PFKFB3: variants seen among roughly 807,000 people sequenced by gnomAD.
PFKFB3 encodes 6-phosphofructo-2-kinase/fructose-2,6-bisphosphatase 3.
A neutral mutation model predicts 68.0 loss-of-function variants in PFKFB3; 33 were observed. That is an observed-to-expected ratio of 0.49 (90% CI 0.37 to 0.65). The LOEUF (loss-of-function observed/expected upper bound fraction) is 0.65. Among genes scored for constraint, PFKFB3 ranks in the 30% least tolerant of loss-of-function variants. PFKFB3 has a pLI of 0.00. For missense variants in PFKFB3, 586 were observed against 712.2 expected (o/e 0.82, Z 2.02); for synonymous variants, 315 against 288.2 (o/e 1.09, Z -0.94).
intron 1 of PFKFB3, among the ~76,000 whole-genome samples, chr10:6,182,346 G>T (rs1301963174): frequency 6.6e-6 from 1 of 152,146 alleles, no homozygotes; most frequent in Non-Finnish European, 1.5e-5. Flanking sequence ...TCTGAGCTGG[G>T]AGACCTCCCC....
the PFKFB3 span, among the ~76,000 whole-genome samples, chr10:6,318,532 C>G: frequency 2.0e-5 from 3 of 152,298 alleles, no homozygotes; most frequent in South Asian, 6.2e-4. Flanking sequence ...CCTGCACGCC[C>G]GAGGCTGGCC....
At chr10:6,172,936 C>G (rs1016408384) in intron 1 of PFKFB3, among the ~76,000 whole-genome samples, 1 of 152,094 alleles carries the variant, frequency 6.6e-6, no homozygotes, top group Non-Finnish European at 1.5e-5. Context: ...GAAAGCAGGC[C>G]GCTCCATGCT....
chr10:6,230,545 T>G (rs540215695), intron 14 of PFKFB3, among the ~76,000 whole-genome samples: 6 of 152,204 alleles, frequency 3.9e-5, no homozygotes, highest in African/African-American at 1.4e-4. Flanking sequence ...CGGCTGCTGT[T>G]GTTATCAGGG....
intron 1 of PFKFB3, among the ~76,000 whole-genome samples, chr10:6,208,943 A>G (rs140645404): frequency 5.9e-5 from 9 of 152,300 alleles, no homozygotes; most frequent in African/African-American, 1.9e-4. Context: ...CCCAGTAGGC[A>G]GTCTCCGTTG....
At chr10:6,283,326 G>C in the PFKFB3 span, among the ~76,000 whole-genome samples, 1 of 152,174 alleles carries the variant, frequency 6.6e-6, no homozygotes, top group South Asian at 2.1e-4. Flanking sequence ...GTGTGCGTAT[G>C]GGGGCAGGTG....
downstream of PFKFB3, among the ~76,000 whole-genome samples, chr10:6,236,018 C>T (rs369368571): frequency 6.6e-6 from 1 of 152,122 alleles, no homozygotes; most frequent in African/African-American, 2.4e-5. Flanking sequence ...CTGCCTGCGT[C>T]GGCTTCCCAA....
chr10:6,152,829 C>A (rs959929723), intron 1 of PFKFB3, among the ~76,000 whole-genome samples: 1 of 152,004 alleles, frequency 6.6e-6, no homozygotes, highest in African/African-American at 2.4e-5. Context: ...TGCAGTGAGC[C>A]TTGATCGTAC....
At chr10:6,293,968 T>C in the PFKFB3 span, 1 of 512,396 alleles carries the variant, frequency 2.0e-6, no homozygotes, top group African/African-American at 2.0e-5. Context: ...ATTTTCCATC[T>C]TGATCCAATG....
chr10:6,326,595 G>A, the PFKFB3 span: 16 of 452,452 alleles, frequency 3.5e-5, no homozygotes, highest in Admixed American at 1.7e-4. Context: ...TCCCTGCTCC[G>A]TTGCCCCGAC....
intron 1 of PFKFB3, among the ~76,000 whole-genome samples, chr10:6,167,963 T>C (rs77263394): frequency 0.011 from 1,652 of 152,300 alleles, 69 homozygotes; most frequent in East Asian, 0.1. Flanking sequence ...TTCCTGCTTT[T>C]TTCTAGGTCA....
chr10:6,189,512 C>CTT (rs3084089), intron 1 of PFKFB3, among the ~76,000 whole-genome samples: 2 of 121,172 alleles, frequency 1.7e-5, no homozygotes, highest in African/African-American at 3.0e-5. Flanking sequence ...GTGAGGTTCA[C>CTT]TTTTTTTTTT....
At position 6,215,389 on chromosome 10, in the gene PFKFB3, C is replaced by A; in HGVS notation, c.299+72C>A. 8.3e-7 allele frequency: 1 copy of A among 1,202,458 alleles called. No homozygotes were observed. Among genetic ancestry groups the A allele is most frequent in the Non-Finnish European group, 1.2e-6 (1 of 817,878 alleles). The allele number at this position is 1,202,458 out of a possible 1,614,324, so 74.5% of individuals were successfully genotyped here. The stretch of plus-strand genomic sequence containing the variant: ...GGGCCGCGGGCATAAGGCTGGGCTG[C>A]AGGAGTAAGGCTGGGCCGCGGGCGT... On this transcript the variant is annotated intron_variant, in intron 3 of 14. Coordinates refer to ENST00000379775, the MANE Select transcript of PFKFB3 (RefSeq NM_004566.4). The surrounding 1 kb of genome is among the most constrained non-coding windows in gnomAD (Gnocchi z 4.3).
At chr10:6,302,382 T>G in the PFKFB3 span, among the ~76,000 whole-genome samples, 740 of 121,786 alleles carry the variant, frequency 6.1e-3, 69 homozygotes, top group Non-Finnish European at 6.7e-3. Flanking sequence ...TTTTTTTTTT[T>G]TTTTTTTTTT....
At chr10:6,320,291 C>G in the PFKFB3 span, among the ~76,000 whole-genome samples, 220 of 152,266 alleles carry the variant, frequency 1.4e-3, 1 homozygote, top group Middle Eastern at 3.4e-3. Context: ...CTGTAGTTCT[C>G]AGGAATCTCA....
intron 1 of PFKFB3, among the ~76,000 whole-genome samples, chr10:6,206,819 A>G (rs1342113161): frequency 3.1e-4 from 14 of 45,388 alleles, no homozygotes; most frequent in African/African-American, 1.2e-3. Context: ...CCGGGCAGAG[A>G]CGCTCCTCAC....
chr10:6,185,304 G>A (rs1185240748), intron 1 of PFKFB3, among the ~76,000 whole-genome samples: 2 of 152,216 alleles, frequency 1.3e-5, no homozygotes, highest in South Asian at 2.1e-4. Flanking sequence ...GGGGTGGGCC[G>A]TTCCGAGCTG....
chr10:6,188,990 T>G (rs758924953), intron 1 of PFKFB3, among the ~76,000 whole-genome samples: 40 of 151,966 alleles, frequency 2.6e-4, no homozygotes, highest in South Asian at 1.9e-3. Flanking sequence ...GCCCGCCACC[T>G]TGCCCGGCTA....
At position 6,228,351 on chromosome 10, in the gene PFKFB3, G is replaced by C. The variant is rs997752159; in HGVS notation, c.1515+1986G>C. On this transcript the variant is annotated intron_variant, in intron 14 of 14. Coordinates refer to ENST00000379775, the MANE Select transcript of PFKFB3 (RefSeq NM_004566.4). This position sits in a 1 kb window ranked among gnomAD's most constrained non-coding sequence, Gnocchi z 4.5. ...GAGGTCTTCCGTGGGGGAAGGAGGA[G>C]ATGGGCGTAGGAGTAGGGAGGAGAG... 4 of 959,266 alleles carry C rather than the reference G, an allele frequency of 4.2e-6. No individual in the cohort carries two copies. The highest frequency in any genetic ancestry group is 5.0e-6 in the Non-Finnish European group (3 of 599,102). 59.4% of individuals were successfully genotyped at this position (959,266 alleles called of 1,614,324 possible).
chr10:6,147,864 A>ACCTGACGGGGTGGTCCATACAGGG (rs1841444055), intron 1 of PFKFB3, among the ~76,000 whole-genome samples: 3 of 152,082 alleles, frequency 2.0e-5, no homozygotes, highest in Admixed American at 6.6e-5. Context: ...CATACAGGGG[A>ACCTGACGGGGTGGTCCATACAGGG]GTCTGCTGGG....
Sources: gnomAD v4.1 joint callset for allele counts (sites outside exome capture counted in the v4.1 genomes callset) on GRCh38, gnomAD v4.1.1 for gene constraint, Gnocchi (gnomAD v3.1) non-coding constraint, MANE v1.5 for transcripts, NCBI Gene and HGNC (gene_info 2026-07-23, HGNC 2026-07-21) for gene names.